The following SESTD1 variants were observed in gnomAD, a reference collection of about 807,000 sequenced individuals.
SESTD1 encodes SEC14 domain and spectrin repeat-containing protein 1.
Under a neutral mutation model 101.7 loss-of-function variants are expected in SESTD1, and 43 were observed. The observed-to-expected ratio is 0.42, with a 90% CI of 0.33 to 0.55. The LOEUF (loss-of-function observed/expected upper bound fraction) is 0.55, where lower values mean the gene tolerates loss of function less well. Among genes scored for constraint, SESTD1 ranks in the 20% least tolerant of loss-of-function variants. The pLI, the probability that SESTD1 is intolerant of heterozygous loss-of-function variation, is 0.07. For missense variants in SESTD1, 647 were observed against 815.1 expected, an observed-to-expected ratio of 0.79 and a Z score of 2.51; for synonymous variants, 283 against 286.8, an observed-to-expected ratio of 0.99 and a Z score of 0.13.
chr2:179,123,776 T>G lies in SESTD1; in HGVS notation c.1221A>C (p.Pro407=), dbSNP rs751128925. The change falls in exon 12 of 18, where the codon CCA becomes CCC. Residue 407 remains proline, a synonymous_variant. Transcript: ENST00000428443. The stretch of plus-strand genomic sequence containing the variant: ...TTTGCTGAATCGATGCTCCATCAGC[T>G]GGTGCTACATCTACGCACAACATCC... ...LLGMLCVDVA[P]ADGASIQQTL... is the part of the protein sequence containing the mutation. 3 of 1,614,066 alleles carry G rather than the reference T, an allele frequency of 1.9e-6. No homozygotes were observed. Among genetic ancestry groups the G allele is most frequent in the Non-Finnish European group, 2.5e-6 (3 of 1,179,980 alleles).
intron 11 of SESTD1, 129 bp downstream of exon 11, chr2:179,124,235 C>T (rs965799887): frequency 8.4e-6 from 7 of 833,836 alleles, no homozygotes; most frequent in East Asian, 8.0e-5. Context: ...TATCTCATTA[C>T]CCCCACCAGT....
intron 5 of SESTD1, among the ~76,000 whole-genome samples, chr2:179,168,237 C>G: frequency 6.6e-6 from 1 of 152,244 alleles, no homozygotes; most frequent in East Asian, 1.9e-4. Flanking sequence ...TGATGATCCA[C>G]TTCTACTTAA....
chr2:179,129,087 G>C (rs1220255083), intron 10 of SESTD1, among the ~76,000 whole-genome samples: 1 of 152,188 alleles, frequency 6.6e-6, no homozygotes. Flanking sequence ...GGTTAAAAAG[G>C]TGATTATACT....
chr2:179,249,130 T>C (rs2047276666), intron 1 of SESTD1, among the ~76,000 whole-genome samples: 1 of 147,022 alleles, frequency 6.8e-6, no homozygotes, highest in African/African-American at 2.5e-5. Context: ...CAAGTATGTC[T>C]ACTTTCACCA....
In SESTD1 at chr2:179,264,763, C is replaced by T. The variant is rs2047539220; in HGVS notation, c.-290G>A. On this transcript the variant is annotated 5_prime_UTR_variant, in exon 1 of 18. Transcript: ENST00000428443. ...CTCTCGGCACCCGCGGCCCGAGCCG[C>T]GTCCGCGCGACCCCGCGCGCGCCCG... 2.0e-5 allele frequency: 3 copies of T among 151,820 alleles called. No individual in the cohort carries two copies. Among genetic ancestry groups the T allele is most frequent in the Middle Eastern group, 3.5e-3 (1 of 288 alleles). 9.4% of individuals were successfully genotyped at this position (151,820 alleles called of 1,614,324 possible).
chr2:179,116,914 T>G, intron 14 of SESTD1, 124 bp from the exon 15 acceptor site: 1 of 1,279,632 alleles, frequency 7.8e-7, no homozygotes, highest in Non-Finnish European at 1.1e-6. Context: ...CCTAAAGTCT[T>G]AAAAGCTTAT....
intron 13 of SESTD1, among the ~76,000 whole-genome samples, chr2:179,119,458 G>A (rs935166243): frequency 1.3e-5 from 2 of 152,172 alleles, no homozygotes; most frequent in Admixed American, 1.3e-4. Flanking sequence ...CTGGGTTTTG[G>A]ATTTGTGTCC....
At chr2:179,131,734 A>G (rs1189224415) in intron 10 of SESTD1, among the ~76,000 whole-genome samples, 1 of 152,168 alleles carries the variant, frequency 6.6e-6, no homozygotes, top group Non-Finnish European at 1.5e-5. Context: ...ATCTTTAACA[A>G]TTATTATCTA....
intron 1 of SESTD1, 36 bp from the exon 2 acceptor site, chr2:179,191,902 C>G (rs2046325368): frequency 7.3e-7 from 1 of 1,362,298 alleles, no homozygotes; most frequent in African/African-American, 1.4e-5. Flanking sequence ...AACTACAAGA[C>G]AACAATTATT....
At chr2:179,156,900 C>T (rs928366597) in intron 5 of SESTD1, among the ~76,000 whole-genome samples, 5 of 152,082 alleles carry the variant, frequency 3.3e-5, no homozygotes, top group African/African-American at 1.2e-4. Context: ...TTTGCCTAAG[C>T]CAATGTCTAA....
In SESTD1 at chr2:179,203,024, GA is replaced by G. The variant is rs1453672692; in HGVS notation, c.-25-11159del. On this transcript the variant is annotated intron_variant, in intron 1 of 17. Transcript: ENST00000428443. ...AAGATTTGTCACTGCTGTTCTGTCA[GA>G]GGGGGTGGGGGAGATGTGGAGTCCT... Among the ~76,000 whole-genome samples the G allele has an allele frequency of 4.4e-5, 6 of 135,102 alleles. 1 individual carries two copies. Among genetic ancestry groups the G allele is most frequent in the Non-Finnish European group, 9.6e-5 (6 of 62,804 alleles). The allele number at this position is 135,102 out of a possible 152,430, so 88.6% of individuals were successfully genotyped here. A position where few individuals can be genotyped will look rare whatever the true frequency, so the allele number is the denominator to read the frequency against.
At chr2:179,205,373 A>T (rs1050621229) in intron 1 of SESTD1, among the ~76,000 whole-genome samples, 4 of 134,914 alleles carry the variant, frequency 3.0e-5, no homozygotes, top group African/African-American at 1.2e-4. Flanking sequence ...TCATGGATAA[A>T]ATCTATTAAT....
At position 179,104,613 on chromosome 2, in the gene SESTD1, G is replaced by C. The variant is rs2044340885; in HGVS notation, c.*5286C>G. On this transcript the variant is annotated 3_prime_UTR_variant, in exon 18 of 18. Transcript: ENST00000428443. ...GAAGACTTCTAAGGTGCCTCCTGGAGATTCACTGGGAACTGGCTGGAGTTC... is the reference window on the plus strand; with the variant it reads ...GAAGACTTCTAAGGTGCCTCCTGGACATTCACTGGGAACTGGCTGGAGTTC... 6.6e-6 allele frequency: 1 copy of C among 152,068 alleles called. No individual in the cohort carries two copies. 9.4% of individuals were successfully genotyped at this position (152,068 alleles called of 1,614,324 possible).
At chr2:179,174,468 A>C (rs2045976298) in intron 4 of SESTD1, 1 of 466,760 alleles carries the variant, frequency 2.1e-6, no homozygotes, top group Non-Finnish European at 4.4e-6. Flanking sequence ...TCTGTGACAC[A>C]GTTGAAATGA....
Position 179,215,299 on chromosome 2 carries a change from A to T in SESTD1, c.-25-23433T>A, listed in dbSNP as rs549755291. ...TCAAACAGATGCAATAAAAAATGAT[A>T]AACGGGATATCACCACTAATCTAAC... On this transcript the variant is annotated intron_variant, in intron 1 of 17. Transcript: ENST00000428443. 5.2e-5 allele frequency among the ~76,000 whole-genome samples: 7 copies of T among 135,470 alleles called. 1 individual carries two copies. Among genetic ancestry groups the T allele is most frequent in the African/African-American group, 2.0e-4 (7 of 34,416 alleles). 88.9% of individuals were successfully genotyped at this position (135,470 alleles called of 152,430 possible).
intron 1 of SESTD1, among the ~76,000 whole-genome samples, chr2:179,250,611 G>T (rs879271393): frequency 6.6e-6 from 1 of 152,054 alleles, no homozygotes; most frequent in Non-Finnish European, 1.5e-5. Context: ...ACATATCCCT[G>T]GTGTCTGTGT....
At chr2:179,204,634 A>T (rs76869928) in intron 1 of SESTD1, among the ~76,000 whole-genome samples, 10,150 of 134,770 alleles carry the variant, frequency 0.075, 2,247 homozygotes, top group South Asian at 0.15. Context: ...CTCTCTACTT[A>T]TATTAATTTT....
Position 179,203,033 on chromosome 2 carries a change from G to A in SESTD1, c.-25-11167C>T, listed in dbSNP as rs1255779238. 3.0e-5 allele frequency among the ~76,000 whole-genome samples: 4 copies of A among 134,800 alleles called. 2 individuals carry two copies. Among genetic ancestry groups the A allele is most frequent in the African/African-American group, 1.2e-4 (4 of 34,116 alleles). The allele number at this position is 134,800 out of a possible 152,430, so 88.4% of individuals were successfully genotyped here. A position where few individuals can be genotyped will look rare whatever the true frequency, so the allele number is the denominator to read the frequency against. On this transcript the variant is annotated intron_variant, in intron 1 of 17. Transcript: ENST00000428443. ...CACTGCTGTTCTGTCAGAGGGGGTG[G>A]GGGAGATGTGGAGTCCTGATAAGTA...
intron 1 of SESTD1, among the ~76,000 whole-genome samples, chr2:179,220,341 C>T (rs2046795243): frequency 6.6e-6 from 1 of 152,124 alleles, no homozygotes. Context: ...TCTTAATTTA[C>T]AGATAAATCC....
Sources: gnomAD v4.1 joint callset for allele counts (sites outside exome capture counted in the v4.1 genomes callset) on GRCh38, gnomAD v4.1.1 for gene constraint, MANE v1.5 for transcripts, NCBI Gene and HGNC (gene_info 2026-07-23, HGNC 2026-07-21) for gene names.